Variants in ACVR1 observed in about 807,000 individuals in gnomAD.
The protein encoded by ACVR1 is activin A receptor type 1, also known as activin receptor type-1.
Under a neutral mutation model 57.1 loss-of-function variants are expected in ACVR1, and 38 were observed. The observed-to-expected ratio is 0.67, with a 90% CI of 0.51 to 0.87. The LOEUF is 0.87. ACVR1 is among the 40% of genes least tolerant of loss of function. The probability of loss-of-function intolerance (pLI) is 0.00; values close to 1 mark genes in which losing one functional copy is unlikely to be tolerated. For missense variants in ACVR1, 463 were observed against 638.2 expected, an observed-to-expected ratio of 0.73 and a Z score of 2.96; for synonymous variants, 212 against 228.1, an observed-to-expected ratio of 0.93 and a Z score of 0.63.
At chr2:157,758,739 C>G (rs1319293797) in intron 9 of ACVR1, among the ~76,000 whole-genome samples, 1 of 151,922 alleles carries the variant, frequency 6.6e-6, no homozygotes, top group Non-Finnish European at 1.5e-5. Context: ...CCAACAGCTA[C>G]AGACTACACA....
chr2:157,832,420 C>T (rs1157333256), intron 1 of ACVR1, among the ~76,000 whole-genome samples: 1 of 152,110 alleles, frequency 6.6e-6, no homozygotes, highest in African/African-American at 2.4e-5. Flanking sequence ...AGGACTGAGG[C>T]CAGCCTACCT....
rs532592706 is a variant in ACVR1 at position 157,756,084 on chromosome 2, A to G, written c.1264+4796T>C. 9.9e-5 allele frequency among the ~76,000 whole-genome samples: 15 copies of G among 152,248 alleles called. No homozygotes were observed. In the East Asian group the frequency reaches 1.5e-3, roughly 16 times the overall value. On this transcript the variant is annotated intron_variant, in intron 9 of 10. Transcript: ENST00000434821. ...GTGGGGAAGGATGTCCTATTCAACAAATGGTGCTGGGATAACTGACAAGCC... is the reference window on the plus strand; with the variant it reads ...GTGGGGAAGGATGTCCTATTCAACAGATGGTGCTGGGATAACTGACAAGCC...
At chr2:157,836,882 C>G (rs948060141) in intron 1 of ACVR1, among the ~76,000 whole-genome samples, 1 of 152,210 alleles carries the variant, frequency 6.6e-6, no homozygotes, top group Non-Finnish European at 1.5e-5. Flanking sequence ...AAAGAACACT[C>G]CATCTCCTCT....
rs190823556 is a variant in ACVR1, at chr2:157,870,795, C to T, written c.-183+5001G>A. ...ACACAATAAATGTTTGTGGAATTGA[C>T]TAAGCACAGGTTACAACATTAAGCA... On this transcript the variant is annotated intron_variant, in intron 1 of 10. Transcript: ENST00000434821. Among the ~76,000 whole-genome samples the T allele has an allele frequency of 2.0e-5, 3 of 152,314 alleles. No homozygotes were observed. The East Asian group carries it at 5.8e-4, about 29-fold the overall frequency.
chr2:157,784,384 T>C (rs995963984), intron 3 of ACVR1, among the ~76,000 whole-genome samples: 18 of 152,246 alleles, frequency 1.2e-4, no homozygotes, highest in African/African-American at 4.3e-4. Context: ...ATGTAAAGTA[T>C]TTTACACTTG....
intron 3 of ACVR1, among the ~76,000 whole-genome samples, chr2:157,784,395 C>T (rs1012293624): frequency 1.6e-4 from 25 of 152,224 alleles, no homozygotes; most frequent in Admixed American, 1.4e-3. Flanking sequence ...TTTACACTTG[C>T]CTGTGCGAAT....
rs1195413295 is a variant in ACVR1, at chr2:157,876,117, G to C, written c.-504C>G. Reference sequence around the variant, plus strand: ...GGGGGAAAGAGCCGGGGGAGGGCGGGGAGGCGGGGTGAAGAGGAGGAGGAA... The same window carrying C: ...GGGGGAAAGAGCCGGGGGAGGGCGGCGAGGCGGGGTGAAGAGGAGGAGGAA... On this transcript the variant is annotated 5_prime_UTR_variant, in exon 1 of 11. Coordinates refer to ENST00000434821, the MANE Select transcript of ACVR1 (RefSeq NM_001111067.4). Among the ~76,000 whole-genome samples, 2 of 150,480 alleles carry C rather than the reference G, an allele frequency of 1.3e-5. No homozygotes were observed. Among genetic ancestry groups the C allele is most frequent in the African/African-American group, 4.9e-5 (2 of 41,076 alleles).
chr2:157,788,553 T>C (rs1377341745), intron 3 of ACVR1, among the ~76,000 whole-genome samples: 2 of 152,190 alleles, frequency 1.3e-5, no homozygotes, highest in Non-Finnish European at 2.9e-5. Flanking sequence ...AGCACAAGAG[T>C]GGTGATGCCA....
In ACVR1 at chr2:157,822,427, C is replaced by A. The variant is rs7605386; in HGVS notation, c.-182-3868G>T. ...CTAATCCTAACAATGAAATTGAGAG[C>A]TTATACTATTCCCAAATTATACATA... On this transcript the variant is annotated intron_variant, in intron 1 of 10. Transcript: ENST00000434821. 4.6e-5 allele frequency among the ~76,000 whole-genome samples: 7 copies of A among 152,244 alleles called. 1 individual carries two copies. The highest frequency in any genetic ancestry group is 1.7e-4 in the African/African-American group (7 of 41,538).
intron 9 of ACVR1, among the ~76,000 whole-genome samples, chr2:157,757,037 T>TAC (rs1389178105): frequency 2.3e-5 from 3 of 131,382 alleles, no homozygotes; most frequent in Non-Finnish European, 4.7e-5. Flanking sequence ...TATATATATA[T>TAC]ATATATAAAA....
rs1340793504 is a variant in ACVR1 at position 157,799,420 on chromosome 2, C to T, written c.67+7G>A. The T allele has an allele frequency of 6.2e-7, 1 of 1,607,076 alleles. No individual in the cohort carries two copies. The highest frequency in any genetic ancestry group is 8.5e-7 in the Non-Finnish European group (1 of 1,174,942). On this transcript the variant is annotated splice_region_variant and intron_variant, in intron 3 of 10. Coordinates refer to ENST00000434821, the MANE Select transcript of ACVR1 (RefSeq NM_001111067.4). ...TATCTTAACCCAAAAAGATGTGAGT[C>T]ACTTACCTTCCATACTAGGGGAGGG...
At chr2:157,781,641 GT>G (rs1350955899) in intron 3 of ACVR1, among the ~76,000 whole-genome samples, 2 of 152,226 alleles carry the variant, frequency 1.3e-5, no homozygotes, top group Non-Finnish European at 2.9e-5. Flanking sequence ...CACCTAGGGA[GT>G]TCAAGGTGCA....
intron 1 of ACVR1, among the ~76,000 whole-genome samples, chr2:157,839,501 T>C (rs1342280548): frequency 6.6e-6 from 1 of 152,104 alleles, no homozygotes; most frequent in Non-Finnish European, 1.5e-5. Flanking sequence ...TCACCCAAAA[T>C]GAATCTGAAT....
At chr2:157,840,492 T>C (rs564863948) in intron 1 of ACVR1, among the ~76,000 whole-genome samples, 15 of 152,360 alleles carry the variant, frequency 9.8e-5, no homozygotes, top group Admixed American at 5.2e-4. Context: ...TTCCTTCTAG[T>C]CCATATACCT....
chr2:157,778,699 A>G (rs527387248), intron 4 of ACVR1, among the ~76,000 whole-genome samples: 1 of 152,350 alleles, frequency 6.6e-6, no homozygotes, highest in East Asian at 1.9e-4. Context: ...ACTATCCTTA[A>G]GAGAAAGGGC....
chr2:157,805,585 G>A (rs1192535850), intron 2 of ACVR1, among the ~76,000 whole-genome samples: 1 of 152,078 alleles, frequency 6.6e-6, no homozygotes, highest in Non-Finnish European at 1.5e-5. Context: ...CAGAGGCAAT[G>A]TGGAAAAATA....
At chr2:157,793,224 G>A (rs1686986552) in intron 3 of ACVR1, among the ~76,000 whole-genome samples, 1 of 152,086 alleles carries the variant, frequency 6.6e-6, no homozygotes, top group African/African-American at 2.4e-5. Context: ...TGACCACAAG[G>A]AAATCATTTC....
Position 157,754,819 on chromosome 2 carries a change from CA to C in ACVR1, c.1264+6060del, listed in dbSNP as rs202031775. On this transcript the variant is annotated intron_variant, in intron 9 of 10. Coordinates refer to ENST00000434821, the MANE Select transcript of ACVR1 (RefSeq NM_001111067.4). ...AGAACATAACAAAAAAAGAAAAGTA[CA>C]GACCAATATCCGTGATGAACATAGA... Among the ~76,000 whole-genome samples, 896 of 152,140 alleles carry C rather than the reference CA, an allele frequency of 5.9e-3. 4 individuals are homozygous for C. Among genetic ancestry groups the C allele is most frequent in the African/African-American group, 0.02 (827 of 41,526 alleles).
chr2:157,778,490 C>T, intron 4 of ACVR1, 148 bp from the exon 5 acceptor site: 1 of 679,972 alleles, frequency 1.5e-6, no homozygotes, highest in Non-Finnish European at 2.5e-6. Context: ...CTTCCTAATG[C>T]CTGGCCAATG....
Sources: allele counts gnomAD v4.1 joint callset (sites outside exome capture counted in the v4.1 genomes callset), GRCh38; gene constraint gnomAD v4.1.1; transcripts MANE v1.5; gene names NCBI Gene and HGNC (gene_info 2026-07-23, HGNC 2026-07-21).